Variants in ARHGAP10 observed in about 807,000 individuals in gnomAD.
The protein encoded by ARHGAP10 is Rho GTPase activating protein 10, also known as rho GTPase-activating protein 10.
In ARHGAP10, 87 loss-of-function variants were observed where a neutral mutation model predicts 108.6. The observed-to-expected ratio is 0.80, with a 90% CI of 0.67 to 0.96. The LOEUF (loss-of-function observed/expected upper bound fraction) is 0.96. Ranked by LOEUF, ARHGAP10 falls within the 40% of genes least tolerant of loss-of-function variation. The pLI, the probability that ARHGAP10 is intolerant of heterozygous loss-of-function variation, is 0.00. For synonymous variants in ARHGAP10, 347 were observed against 341.1 expected (o/e 1.02, Z -0.19); for missense variants, 939 against 954.5 (o/e 0.98, Z 0.21).
chr4:147,762,319 T>G (rs1729620026), intron 1 of ARHGAP10, among the ~76,000 whole-genome samples: 2 of 152,066 alleles, frequency 1.3e-5, no homozygotes, highest in South Asian at 4.1e-4. Flanking sequence ...AGAAATTCAT[T>G]CCTTTTGAAA....
chr4:147,757,992 A>C (rs1489453895), intron 1 of ARHGAP10, among the ~76,000 whole-genome samples: 2 of 152,056 alleles, frequency 1.3e-5, no homozygotes, highest in African/African-American at 4.8e-5. Context: ...TGCTTTGTGC[A>C]CCCCTATTGG....
chr4:147,755,138 A>G (rs1322277290), intron 1 of ARHGAP10, among the ~76,000 whole-genome samples: 1 of 152,088 alleles, frequency 6.6e-6, no homozygotes, highest in African/African-American at 2.4e-5. Flanking sequence ...CCAAACAATA[A>G]GGATATAATA....
In ARHGAP10 at chr4:147,903,651, T is replaced by C. The variant is rs149757292; in HGVS notation, c.1035-2987T>C. On this transcript the variant is annotated intron_variant, in intron 10 of 22. Coordinates refer to ENST00000336498, the MANE Select transcript of ARHGAP10 (RefSeq NM_024605.4). ...CAGTCCCTGGCAACCAGTGATCTTT[T>C]TACTGTCTCTGTAGTTTGACCTTTT... is the stretch of plus-strand genomic sequence containing the variant. Among the ~76,000 whole-genome samples, 530 of 152,346 alleles carry C rather than the reference T, an allele frequency of 3.5e-3. 3 individuals carry two copies. Among genetic ancestry groups the C allele is most frequent in the African/African-American group, 0.012 (507 of 41,590 alleles).
chr4:147,836,608 G>A (rs77136575), intron 3 of ARHGAP10, among the ~76,000 whole-genome samples: 4,554 of 151,570 alleles, frequency 0.03, 221 homozygotes, highest in African/African-American at 0.1. Context: ...TATAGCACCT[G>A]AGCACCTGTG....
At chr4:147,963,863 T>C (rs990950108) in intron 16 of ARHGAP10, among the ~76,000 whole-genome samples, 4 of 152,198 alleles carry the variant, frequency 2.6e-5, no homozygotes, top group African/African-American at 9.6e-5. Context: ...CAGGACAACC[T>C]CCGCTGTGCT....
At chr4:148,006,130 C>A (rs1048063829) in intron 18 of ARHGAP10, among the ~76,000 whole-genome samples, 1 of 152,174 alleles carries the variant, frequency 6.6e-6, no homozygotes, top group South Asian at 2.1e-4. Context: ...CCTCCTGGAA[C>A]GTTCTTTTCT....
Position 148,023,257 on chromosome 4 carries a change from T to G in ARHGAP10, c.1717-6T>G. 1 of 1,613,844 alleles carries G rather than the reference T, an allele frequency of 6.2e-7. No individual in the cohort carries two copies. The highest frequency in any genetic ancestry group is 8.5e-7 in the Non-Finnish European group (1 of 1,179,816). On this transcript the variant is annotated splice_polypyrimidine_tract_variant and splice_region_variant and intron_variant, in intron 18 of 22. Transcript: ENST00000336498. ...ATAATTCCTGTCCTTTATGCTTTGTTGGAAGATTTTTCGGACGCCGCCCGA... is the reference window on the plus strand; with the variant it reads ...ATAATTCCTGTCCTTTATGCTTTGTGGGAAGATTTTTCGGACGCCGCCCGA...
intron 19 of ARHGAP10, among the ~76,000 whole-genome samples, chr4:148,046,504 C>A (rs1007248135): frequency 1.3e-5 from 2 of 152,142 alleles, no homozygotes; most frequent in Admixed American, 6.5e-5. Context: ...ACTTAAAGAA[C>A]CAATAGGTGA....
At chr4:147,766,489 G>A (rs866270209) in intron 1 of ARHGAP10, among the ~76,000 whole-genome samples, 36 of 151,384 alleles carry the variant, frequency 2.4e-4, no homozygotes, top group Non-Finnish European at 4.6e-4. Flanking sequence ...TGTTTTGATT[G>A]CAGTCAGTTG....
At chr4:147,922,558 G>A (rs1385570225) in intron 13 of ARHGAP10, among the ~76,000 whole-genome samples, 3 of 150,144 alleles carry the variant, frequency 2.0e-5, no homozygotes, top group Admixed American at 6.6e-5. Context: ...CGTAGTGGCG[G>A]GCGCCTGTAG....
chr4:147,826,841 T>G (rs1193370830), intron 3 of ARHGAP10, among the ~76,000 whole-genome samples: 6 of 152,158 alleles, frequency 3.9e-5, no homozygotes, highest in African/African-American at 1.2e-4. Flanking sequence ...TAGGTCATAT[T>G]CAAGTTTTCC....
At chr4:147,929,610 C>T (rs1737591647) in intron 13 of ARHGAP10, among the ~76,000 whole-genome samples, 1 of 152,036 alleles carries the variant, frequency 6.6e-6, no homozygotes, top group Non-Finnish European at 1.5e-5. Flanking sequence ...TTTTGTAATC[C>T]ACCTATGATC....
At chr4:147,749,555 G>A (rs1347405042) in intron 1 of ARHGAP10, among the ~76,000 whole-genome samples, 6 of 152,130 alleles carry the variant, frequency 3.9e-5, no homozygotes, top group Non-Finnish European at 8.8e-5. Flanking sequence ...TAGAACATAT[G>A]TATTTTCTAA....
intron 1 of ARHGAP10, among the ~76,000 whole-genome samples, chr4:147,783,983 TATA>T (rs1420997305): frequency 7.2e-6 from 1 of 139,790 alleles, no homozygotes; most frequent in Non-Finnish European, 1.5e-5. Flanking sequence ...CACACATTAT[TATA>T]TAATTTATAT....
chr4:147,778,283 C>G (rs1240867030), intron 1 of ARHGAP10, among the ~76,000 whole-genome samples: 1 of 151,842 alleles, frequency 6.6e-6, no homozygotes, highest in African/African-American at 2.4e-5. Context: ...CTCTTTTTGC[C>G]CCTCATATCA....
In ARHGAP10 at chr4:147,735,937, A is replaced by G. The variant is rs147566643; in HGVS notation, c.154+3482A>G. 4.0e-3 allele frequency among the ~76,000 whole-genome samples: 610 copies of G among 152,350 alleles called. 6 individuals carry two copies. The highest frequency in any genetic ancestry group is 0.018 in the Admixed American group (277 of 15,302). ...AGTTGCTTATGATTCATACAGGTAG[A>G]TAGCACAGTTGCCAGAAACAGCAAT... is the stretch of plus-strand genomic sequence containing the variant. On this transcript the variant is annotated intron_variant, in intron 1 of 22. Transcript: ENST00000336498.
chr4:147,880,549 T>C (rs1329727191), intron 9 of ARHGAP10, among the ~76,000 whole-genome samples: 1 of 152,216 alleles, frequency 6.6e-6, no homozygotes, highest in Non-Finnish European at 1.5e-5. Flanking sequence ...AAATATGTTA[T>C]GGAATATAAC....
At chr4:147,893,145 G>A (rs1170301341) in intron 10 of ARHGAP10, among the ~76,000 whole-genome samples, 1 of 151,894 alleles carries the variant, frequency 6.6e-6, no homozygotes, top group Non-Finnish European at 1.5e-5. Flanking sequence ...TGCAACCTCT[G>A]CCTCCTGGGT....
chr4:147,926,015 C>T (rs2126941486), intron 13 of ARHGAP10, among the ~76,000 whole-genome samples: 1 of 152,300 alleles, frequency 6.6e-6, no homozygotes, highest in East Asian at 1.9e-4. Context: ...GCTCTTTGCT[C>T]CAGAGGGTAG....
Sources: gnomAD v4.1 joint callset for allele counts (sites outside exome capture counted in the v4.1 genomes callset) on GRCh38, gnomAD v4.1.1 for gene constraint, MANE v1.5 for transcripts, NCBI Gene and HGNC (gene_info 2026-07-23, HGNC 2026-07-21) for gene names.